The following ARHGAP39 variants were observed in gnomAD, a reference collection of about 807,000 sequenced individuals.
ARHGAP39 encodes rho GTPase-activating protein 39.
In ARHGAP39, 44 loss-of-function variants were observed where a neutral mutation model predicts 106.9. The ratio of observed to expected loss-of-function variants is 0.41; its 90% CI spans 0.32 to 0.53. ARHGAP39 has a LOEUF of 0.53. Among genes scored for constraint, ARHGAP39 ranks in the 20% least tolerant of loss-of-function variants. The pLI is 0.21. For missense variants in ARHGAP39, 1,496 were observed against 1,577.3 expected (o/e 0.95, Z 0.87); for synonymous variants, 768 against 693.2 (o/e 1.11, Z -1.69).
intron 6 of ARHGAP39, among the ~76,000 whole-genome samples, chr8:144,540,999 C>T (rs964898731): frequency 6.6e-6 from 1 of 152,088 alleles, no homozygotes; most frequent in Non-Finnish European, 1.5e-5. Context: ...TTACAGGCGC[C>T]CGCCACCATG....
At chr8:144,602,326 C>G (rs200158092) in intron 2 of ARHGAP39, among the ~76,000 whole-genome samples, 1 of 109,412 alleles carries the variant, frequency 9.1e-6, no homozygotes, top group African/African-American at 3.6e-5. Flanking sequence ...TGGAGGCGTG[C>G]GTGCGAGCTC....
At chr8:144,590,750 AC>A (rs151004783) in intron 2 of ARHGAP39, among the ~76,000 whole-genome samples, 3,835 of 151,530 alleles carry the variant, frequency 0.025, 171 homozygotes, top group African/African-American at 0.088. Flanking sequence ...AGACACCCCT[AC>A]CCCCCCACAA....
intron 2 of ARHGAP39, among the ~76,000 whole-genome samples, chr8:144,601,878 C>A (rs1237576172): frequency 9.5e-6 from 1 of 105,486 alleles, no homozygotes; most frequent in Non-Finnish European, 1.9e-5. Context: ...AGCTCACGTA[C>A]CTGTGTGTGT....
intron 3 of ARHGAP39, among the ~76,000 whole-genome samples, chr8:144,578,524 G>A (rs2075303993): frequency 6.6e-6 from 1 of 152,106 alleles, no homozygotes; most frequent in Non-Finnish European, 1.5e-5. Context: ...CACTTTTCTT[G>A]GCCAAAATTA....
At chr8:144,658,689 C>T (rs927202693) in intron 1 of ARHGAP39, among the ~76,000 whole-genome samples, 2 of 152,042 alleles carry the variant, frequency 1.3e-5, no homozygotes, top group African/African-American at 4.8e-5. Context: ...TAACAAACAG[C>T]GAAAGACTGA....
the ARHGAP39 span, chr8:144,699,058 G>T: frequency 1.4e-5 from 5 of 355,210 alleles, no homozygotes; most frequent in South Asian, 1.0e-4. Flanking sequence ...TCACTGCACA[G>T]GGCGTGGGAC....
In ARHGAP39 at chr8:144,641,384, A is replaced by C. The variant is rs560632789; in HGVS notation, c.-81-35689T>G. 6.6e-6 allele frequency among the ~76,000 whole-genome samples: 1 copy of C among 152,112 alleles called. No homozygotes were observed. The highest frequency in any genetic ancestry group is 2.4e-5 in the African/African-American group (1 of 41,514). ...GAAATGAGACAACATGGAGATGCAG[A>C]CGCAGGCAGATGATGGGCTGGTAAA... is the stretch of plus-strand genomic sequence containing the variant. On this transcript the variant is annotated intron_variant, in intron 1 of 11. Coordinates refer to ENST00000377307, the MANE Select transcript of ARHGAP39 (RefSeq NM_025251.3). The surrounding 1 kb of genome is among the most constrained non-coding windows in gnomAD (Gnocchi z 5.2).
intron 3 of ARHGAP39, among the ~76,000 whole-genome samples, chr8:144,563,176 G>T (rs1013700849): frequency 6.6e-6 from 1 of 152,210 alleles, no homozygotes; most frequent in Non-Finnish European, 1.5e-5. Context: ...TATGAAAACT[G>T]AAGATAATGT....
intron 1 of ARHGAP39, among the ~76,000 whole-genome samples, chr8:144,606,209 G>A (rs758908975): frequency 2.6e-5 from 4 of 152,174 alleles, no homozygotes; most frequent in African/African-American, 4.8e-5. Flanking sequence ...ATGTTCACAC[G>A]GACCACCTGA....
chr8:144,682,285 C>T (rs1003938345), intron 1 of ARHGAP39, among the ~76,000 whole-genome samples: 2 of 138,780 alleles, frequency 1.4e-5, no homozygotes, highest in East Asian at 2.2e-4. Flanking sequence ...CGCGGTGGCT[C>T]ACTCCTGTAA....
At chr8:144,602,766 CTG>C (rs1256184063) in intron 2 of ARHGAP39, among the ~76,000 whole-genome samples, 4 of 116,632 alleles carry the variant, frequency 3.4e-5, no homozygotes, top group Non-Finnish European at 5.2e-5. Context: ...GCTCGTGTAC[CTG>C]TGTGTATGTG....
chr8:144,531,012 GC>G, intron 10 of ARHGAP39, 141 bp from the exon 11 acceptor site: 1 of 1,140,408 alleles, frequency 8.8e-7, no homozygotes, highest in Non-Finnish European at 1.2e-6. Flanking sequence ...GGCCCATCTG[GC>G]CAGGCTGGGC....
At chr8:144,631,346 CTTCT>C (rs1821058627) in intron 1 of ARHGAP39, among the ~76,000 whole-genome samples, 1 of 152,266 alleles carries the variant, frequency 6.6e-6, no homozygotes, top group African/African-American at 2.4e-5. Context: ...TCCTTCTGCC[CTTCT>C]TTCTGGAAAG....
intron 2 of ARHGAP39, among the ~76,000 whole-genome samples, chr8:144,600,144 T>C (rs1301796074): frequency 2.0e-5 from 3 of 151,568 alleles, no homozygotes; most frequent in Non-Finnish European, 4.4e-5. Context: ...CGAGCTCATG[T>C]ACCTACCTGT....
intron 1 of ARHGAP39, among the ~76,000 whole-genome samples, chr8:144,678,099 C>T (rs916611150): frequency 2.6e-5 from 4 of 152,072 alleles, no homozygotes; most frequent in African/African-American, 9.7e-5. Flanking sequence ...TTGCAATCTG[C>T]AGCAAGACAT....
chr8:144,636,945 T>C (rs1821185963), intron 1 of ARHGAP39, among the ~76,000 whole-genome samples: 1 of 152,208 alleles, frequency 6.6e-6, no homozygotes, highest in South Asian at 2.1e-4. Flanking sequence ...AAGTCCAAAG[T>C]TATTCTGACC....
At chr8:144,631,407 C>T (rs891411491) in intron 1 of ARHGAP39, among the ~76,000 whole-genome samples, 18 of 152,254 alleles carry the variant, frequency 1.2e-4, no homozygotes, top group African/African-American at 4.3e-4. Context: ...CTCATTCCCG[C>T]CATCACACCT....
chr8:144,690,129 GT>G (rs1365549459), upstream of ARHGAP39, among the ~76,000 whole-genome samples: 1 of 149,146 alleles, frequency 6.7e-6, no homozygotes, highest in Non-Finnish European at 1.5e-5. Context: ...TTAAGATGGA[GT>G]TTCACTCTTG....
At chr8:144,613,641 A>T in intron 1 of ARHGAP39, among the ~76,000 whole-genome samples, 1 of 150,066 alleles carries the variant, frequency 6.7e-6, no homozygotes, top group African/African-American at 2.5e-5. Context: ...TGCTTTTGAG[A>T]TTTATCTCTT....
Sources: allele counts gnomAD v4.1 joint callset (sites outside exome capture counted in the v4.1 genomes callset), GRCh38; gene constraint gnomAD v4.1.1; non-coding constraint Gnocchi (gnomAD v3.1); transcripts MANE v1.5; gene names NCBI Gene and HGNC (gene_info 2026-07-23, HGNC 2026-07-21).